LRRIQ1: variants seen among roughly 807,000 people sequenced by gnomAD.
The protein encoded by LRRIQ1 is leucine rich repeats and IQ motif containing 1.
A neutral mutation model predicts 211.9 loss-of-function variants in LRRIQ1; 210 were observed. That is an observed-to-expected ratio of 0.99 (90% CI 0.89 to 1.11). LRRIQ1 has a LOEUF of 1.11. Ranked by LOEUF, LRRIQ1 falls within the 50% of genes most tolerant of loss-of-function variation. The pLI is 0.00. For synonymous variants in LRRIQ1, 699 were observed against 650.1 expected (o/e 1.08, Z -1.14); for missense variants, 2,136 against 1,939.5 (o/e 1.10, Z -1.90).
chr12:85,254,765 A>G lies in LRRIQ1; in HGVS notation c.122-8150A>G, dbSNP rs151160179. Among the ~76,000 whole-genome samples, 74 of 152,120 alleles carry G rather than the reference A, an allele frequency of 4.9e-4. 2 individuals carry two copies. The East Asian group carries it at 7.9e-3, about 16-fold the overall frequency. ...AGTCTATTTTTGCAAGGTTCAAAGT[A>G]GTCACTACTCATTAATGTTTTATTA... On this transcript the variant is annotated intron_variant, in intron 1 of 1. Transcript: ENST00000602731.
chr12:85,147,969 G>C (rs1041356379), intron 19 of LRRIQ1, among the ~76,000 whole-genome samples: 1 of 151,724 alleles, frequency 6.6e-6, no homozygotes, highest in African/African-American at 2.4e-5. Context: ...TATCAGAAAG[G>C]CTGCAAATCC....
intron 19 of LRRIQ1, among the ~76,000 whole-genome samples, chr12:85,141,074 G>T (rs1889500892): frequency 6.6e-6 from 1 of 150,966 alleles, no homozygotes; most frequent in Non-Finnish European, 1.5e-5. Flanking sequence ...GTATTATGTT[G>T]GCCTTATACA....
At chr12:85,174,666 T>A (rs1458898672) in intron 24 of LRRIQ1, among the ~76,000 whole-genome samples, 2 of 111,918 alleles carry the variant, frequency 1.8e-5, no homozygotes, top group Non-Finnish European at 3.4e-5. Context: ...CACGCCACTG[T>A]ACTCCAGCCT....
chr12:85,194,461 A>G (rs1363939193), intron 24 of LRRIQ1, among the ~76,000 whole-genome samples: 1 of 149,884 alleles, frequency 6.7e-6, no homozygotes, highest in African/African-American at 2.5e-5. Context: ...AACAGAAATT[A>G]TAACAAACTA....
chr12:85,176,663 A>T (rs1891719860), intron 24 of LRRIQ1, among the ~76,000 whole-genome samples: 1 of 151,148 alleles, frequency 6.6e-6, no homozygotes, highest in Admixed American at 6.6e-5. Flanking sequence ...TAGTGGGTGC[A>T]GTGCACCAGC....
intron 15 of LRRIQ1, among the ~76,000 whole-genome samples, chr12:85,113,041 C>G (rs1416640176): frequency 2.6e-5 from 4 of 152,134 alleles, no homozygotes; most frequent in African/African-American, 9.7e-5. Context: ...ATACTTTAGT[C>G]CTTCACCATG....
chr12:85,170,719 C>T (rs981012140), intron 24 of LRRIQ1, among the ~76,000 whole-genome samples: 1 of 151,784 alleles, frequency 6.6e-6, no homozygotes, highest in African/African-American at 2.4e-5. Flanking sequence ...TTCTGATCAA[C>T]TGTACTTCAG....
chr12:85,172,151 C>T (rs1891450240), intron 24 of LRRIQ1, among the ~76,000 whole-genome samples: 1 of 152,160 alleles, frequency 6.6e-6, no homozygotes, highest in Non-Finnish European at 1.5e-5. Context: ...GCCAAAGCTT[C>T]ACAGAGAAAG....
At chr12:85,052,634 A>AT (rs769737793) in intron 7 of LRRIQ1, among the ~76,000 whole-genome samples, 7 of 152,032 alleles carry the variant, frequency 4.6e-5, no homozygotes, top group Non-Finnish European at 8.8e-5. Flanking sequence ...TTTAGTTTTT[A>AT]TTTACTCTAG....
intron 26 of LRRIQ1, among the ~76,000 whole-genome samples, chr12:85,236,973 T>C (rs1895217629): frequency 6.6e-6 from 1 of 150,964 alleles, no homozygotes; most frequent in South Asian, 2.1e-4. Context: ...AAATGAATAA[T>C]TGGTTGGATA....
At chr12:85,219,800 G>T (rs968787417) in intron 24 of LRRIQ1, among the ~76,000 whole-genome samples, 10 of 152,176 alleles carry the variant, frequency 6.6e-5, no homozygotes, top group African/African-American at 1.9e-4. Context: ...AAAGAATAGG[G>T]ATGTTGCTTG....
At chr12:85,183,237 G>A (rs181109684) in intron 24 of LRRIQ1, among the ~76,000 whole-genome samples, 2 of 152,120 alleles carry the variant, frequency 1.3e-5, no homozygotes, top group Admixed American at 6.6e-5. Flanking sequence ...TGTCCTATTT[G>A]TAGGCTTCTG....
intron 24 of LRRIQ1, among the ~76,000 whole-genome samples, chr12:85,173,273 T>C (rs1891507232): frequency 6.6e-6 from 1 of 152,206 alleles, no homozygotes; most frequent in Admixed American, 6.5e-5. Flanking sequence ...TTGAGATTCT[T>C]GGTGTCTTGT....
chr12:85,043,569 G>A (rs1303834398), intron 3 of LRRIQ1, among the ~76,000 whole-genome samples: 1 of 152,074 alleles, frequency 6.6e-6, no homozygotes, highest in Non-Finnish European at 1.5e-5. Context: ...CGCAGGGTCA[G>A]CTTATGTCCT....
In LRRIQ1 at chr12:85,137,345, G is replaced by A. The variant is rs147278033; in HGVS notation, c.4210-505G>A. Among the ~76,000 whole-genome samples, 344 of 151,234 alleles carry A rather than the reference G, an allele frequency of 2.3e-3. 3 individuals carry two copies. Among genetic ancestry groups the A allele is most frequent in the African/African-American group, 7.8e-3 (324 of 41,350 alleles). On this transcript the variant is annotated intron_variant, in intron 18 of 26. Transcript: ENST00000393217. The stretch of plus-strand genomic sequence containing the variant: ...GCTCATCCTACTCCAGGATTACTGA[G>A]GAATCTGAATATTTTAAATTTTGTT...
chr12:85,118,935 C>T (rs1386924645), intron 15 of LRRIQ1, among the ~76,000 whole-genome samples: 1 of 152,026 alleles, frequency 6.6e-6, no homozygotes, highest in African/African-American at 2.4e-5. Flanking sequence ...TACCTCAACC[C>T]CATACATGCA....
intron 11 of LRRIQ1, among the ~76,000 whole-genome samples, chr12:85,075,408 G>A (rs963464161): frequency 6.6e-6 from 1 of 152,042 alleles, no homozygotes; most frequent in Admixed American, 6.6e-5. Context: ...AGGAAGCATG[G>A]TACTGACATC....
chr12:85,242,133 G>C (rs1895490807), intron 26 of LRRIQ1, among the ~76,000 whole-genome samples: 1 of 151,940 alleles, frequency 6.6e-6, no homozygotes, highest in African/African-American at 2.4e-5. Flanking sequence ...TGTTGTATGT[G>C]AGAAAATTCT....
At position 85,080,133 on chromosome 12, in the gene LRRIQ1, A is replaced by G. The variant is rs1690840; in HGVS notation, c.2887+7035A>G. Reference sequence around the variant, plus strand: ...TGTCTATTTGAGGTATAGACTTACCATTTGTATTGCAATTTTTGCATTGTA... The same window carrying G: ...TGTCTATTTGAGGTATAGACTTACCGTTTGTATTGCAATTTTTGCATTGTA... On this transcript the variant is annotated intron_variant, in intron 11 of 26. Transcript: ENST00000393217. Among the ~76,000 whole-genome samples, 724 of 152,152 alleles carry G rather than the reference A, an allele frequency of 4.8e-3. 2 individuals carry two copies. Among genetic ancestry groups the G allele is most frequent in the African/African-American group, 0.017 (686 of 41,546 alleles).
Sources: gnomAD v4.1 joint callset for allele counts (sites outside exome capture counted in the v4.1 genomes callset) on GRCh38, gnomAD v4.1.1 for gene constraint, MANE v1.5 for transcripts, NCBI Gene and HGNC (gene_info 2026-07-23, HGNC 2026-07-21) for gene names.